PTPRD: variants seen among roughly 807,000 people sequenced by gnomAD.
The protein encoded by PTPRD is receptor-type tyrosine-protein phosphatase delta.
In PTPRD, 34 loss-of-function variants were observed where a neutral mutation model predicts 214.5. The ratio of observed to expected loss-of-function variants is 0.16; its 90% CI spans 0.12 to 0.21. The LOEUF (loss-of-function observed/expected upper bound fraction) is 0.21, where lower values mean the gene tolerates loss of function less well. Ranked by LOEUF, PTPRD falls within the 10% of genes least tolerant of loss-of-function variation. The pLI is 1.00. For missense variants in PTPRD, 2,545 were observed against 2,398.7 expected (o/e 1.06, Z -1.27); for synonymous variants, 1,128 against 845.7 (o/e 1.33, Z -5.79).
At chr9:8,523,441 T>C in intron 19 of PTPRD, 72 bp downstream of exon 19, 1 of 1,530,976 alleles carries the variant, frequency 6.5e-7, no homozygotes. Context: ...TACATTCATT[T>C]CATTTGTATT....
chr9:9,071,002 T>C (rs756705248), intron 10 of PTPRD, among the ~76,000 whole-genome samples: 1 of 152,066 alleles, frequency 6.6e-6, no homozygotes, highest in Non-Finnish European at 1.5e-5. Context: ...CAGCCTCGAA[T>C]TTCTGGGCCC....
chr9:8,610,845 G>A (rs1322437384), intron 14 of PTPRD, among the ~76,000 whole-genome samples: 1 of 152,200 alleles, frequency 6.6e-6, no homozygotes, highest in Non-Finnish European at 1.5e-5. Context: ...AACAGGACGT[G>A]ATCTGGTTTA....
At position 10,170,258 on chromosome 9, in the gene PTPRD, A is replaced by G. The variant is rs549040181; in HGVS notation, c.-544-136468T>C. ...AACTACCTCTTTTTGCACAGGCCTC[A>G]TTCTTCTCAAAGTGGCCATTGAAAG... is the stretch of plus-strand genomic sequence containing the variant. On this transcript the variant is annotated intron_variant, in intron 3 of 45. Coordinates refer to ENST00000381196, the MANE Select transcript of PTPRD (RefSeq NM_002839.4). 8.8e-4 allele frequency among the ~76,000 whole-genome samples: 134 copies of G among 152,272 alleles called. 1 individual carries two copies. The highest frequency in any genetic ancestry group is 1.5e-3 in the Non-Finnish European group (99 of 68,026).
chr9:9,346,062 G>C lies in PTPRD; in HGVS notation c.-203+51387C>G, dbSNP rs142190816. On this transcript the variant is annotated intron_variant, in intron 9 of 45. Coordinates refer to ENST00000381196, the MANE Select transcript of PTPRD (RefSeq NM_002839.4). Reference sequence around the variant, plus strand: ...AGTATAGAATAGGGGCCGTGTTCTGGAAGCTCCCTCACGTAGTGCTGTGGA... The same window carrying C: ...AGTATAGAATAGGGGCCGTGTTCTGCAAGCTCCCTCACGTAGTGCTGTGGA... Among the ~76,000 whole-genome samples, 9 of 152,170 alleles carry C rather than the reference G, an allele frequency of 5.9e-5. No homozygotes were observed. The South Asian group carries it at 1.2e-3, about 21-fold the overall frequency.
chr9:8,471,127 G>A (rs1384724914), intron 30 of PTPRD, 42 bp from the exon 31 acceptor site: 4 of 1,555,292 alleles, frequency 2.6e-6, no homozygotes, highest in East Asian at 2.2e-5. Flanking sequence ...TAGTTGAAAG[G>A]AGGAAAACGT....
chr9:9,511,999 C>G (rs1412466455), intron 8 of PTPRD, among the ~76,000 whole-genome samples: 1 of 151,644 alleles, frequency 6.6e-6, no homozygotes, highest in East Asian at 1.9e-4. Flanking sequence ...ATGCGACTTA[C>G]AGAAAAAAAT....
chr9:10,569,571 G>A (rs62539609), intron 2 of PTPRD, among the ~76,000 whole-genome samples: 21,075 of 151,348 alleles, frequency 0.14, 1,717 homozygotes, highest in Non-Finnish European at 0.19. Flanking sequence ...CCTCCATTGA[G>A]TAGATACTAT....
At chr9:8,774,460 G>A (rs767696916) in intron 11 of PTPRD, among the ~76,000 whole-genome samples, 2 of 150,586 alleles carry the variant, frequency 1.3e-5, no homozygotes, top group Non-Finnish European at 1.5e-5. Context: ...CTTTGTAAAG[G>A]ATTTTATGAT....
rs555474869 is a variant in PTPRD at position 8,602,813 on chromosome 9, G to T, written c.352+30504C>A. Among the ~76,000 whole-genome samples the T allele has an allele frequency of 3.3e-5, 5 of 152,168 alleles. No individual in the cohort carries two copies. The South Asian group carries it at 1.0e-3, about 32-fold the overall frequency. On this transcript the variant is annotated intron_variant, in intron 14 of 45. Coordinates refer to ENST00000381196, the MANE Select transcript of PTPRD (RefSeq NM_002839.4). Reference sequence around the variant, plus strand: ...ATATGCATTTGTATATACACAAAATGAATGTGAATATCTTTCTATATCTGT... The same window carrying T: ...ATATGCATTTGTATATACACAAAATTAATGTGAATATCTTTCTATATCTGT...
intron 2 of PTPRD, among the ~76,000 whole-genome samples, chr9:10,592,910 C>G (rs888334929): frequency 2.0e-5 from 3 of 151,958 alleles, no homozygotes; most frequent in Non-Finnish European, 2.9e-5. Flanking sequence ...CAGCAGCAAC[C>G]TGCTCTTGTC....
intron 30 of PTPRD, among the ~76,000 whole-genome samples, chr9:8,479,946 C>A (rs560137963): frequency 5.9e-5 from 9 of 152,186 alleles, no homozygotes; most frequent in Middle Eastern, 3.4e-3. Context: ...ATATGATCTC[C>A]TTCAGGAGGC....
rs148261196 is a variant in PTPRD, at chr9:10,586,349, C to T, written c.-600+26049G>A. 1.6e-3 allele frequency among the ~76,000 whole-genome samples: 248 copies of T among 152,018 alleles called. 1 individual carries two copies. The highest frequency in any genetic ancestry group is 5.8e-3 in the African/African-American group (240 of 41,508). Reference sequence around the variant, plus strand: ...GAGAAGAGTTTTACAAGAAAGAATACTAAATATAGACTGGTATCATGCCAA... The same window carrying T: ...GAGAAGAGTTTTACAAGAAAGAATATTAAATATAGACTGGTATCATGCCAA... On this transcript the variant is annotated intron_variant, in intron 2 of 45. Coordinates refer to ENST00000381196, the MANE Select transcript of PTPRD (RefSeq NM_002839.4).
At chr9:9,918,270 A>G (rs1243461970) in intron 5 of PTPRD, among the ~76,000 whole-genome samples, 1 of 151,648 alleles carries the variant, frequency 6.6e-6, no homozygotes, top group East Asian at 1.9e-4. Flanking sequence ...ACTAGCTGAA[A>G]AAGTAATCAA....
chr9:8,539,188 T>C (rs2077717851), intron 14 of PTPRD, among the ~76,000 whole-genome samples: 2 of 151,866 alleles, frequency 1.3e-5, no homozygotes, highest in Admixed American at 6.6e-5. Flanking sequence ...ACTGAGTAAA[T>C]TAAAAGTTTC....
chr9:9,963,563 T>C, intron 4 of PTPRD, among the ~76,000 whole-genome samples: 1 of 152,196 alleles, frequency 6.6e-6, no homozygotes, highest in East Asian at 1.9e-4. Context: ...AACGTCACTT[T>C]ACACAAGTAT....
chr9:10,083,472 G>T (rs1340162434), intron 3 of PTPRD, among the ~76,000 whole-genome samples: 1 of 152,012 alleles, frequency 6.6e-6, no homozygotes, highest in African/African-American at 2.4e-5. Flanking sequence ...GCTTCTCAAA[G>T]CCTGGATAAA....
intron 11 of PTPRD, among the ~76,000 whole-genome samples, chr9:8,760,965 G>A (rs977905255): frequency 1.2e-4 from 19 of 152,084 alleles, no homozygotes; most frequent in African/African-American, 4.6e-4. Flanking sequence ...TAAAATATAT[G>A]ATTTCATGAA....
chr9:9,321,742 T>C (rs946144084), intron 9 of PTPRD, among the ~76,000 whole-genome samples: 9 of 152,176 alleles, frequency 5.9e-5, no homozygotes, highest in Non-Finnish European at 1.3e-4. Flanking sequence ...ATTTTCTCTA[T>C]CTTGATTTCT....
At chr9:8,912,761 G>C (rs922876842) in intron 11 of PTPRD, among the ~76,000 whole-genome samples, 3 of 152,108 alleles carry the variant, frequency 2.0e-5, no homozygotes, top group Admixed American at 6.6e-5. Context: ...TGGAAATTAA[G>C]TGTGGAGCTA....
Sources: gnomAD v4.1 joint callset for allele counts (sites outside exome capture counted in the v4.1 genomes callset) on GRCh38, gnomAD v4.1.1 for gene constraint, MANE v1.5 for transcripts, NCBI Gene and HGNC (gene_info 2026-07-23, HGNC 2026-07-21) for gene names.